IQCH: variants seen among roughly 807,000 people sequenced by gnomAD.
IQCH encodes IQ motif containing H.
A neutral mutation model predicts 117.0 loss-of-function variants in IQCH; 98 were observed. The ratio of observed to expected loss-of-function variants is 0.84; its 90% CI spans 0.71 to 0.99. The LOEUF is 0.99. Among genes scored for constraint, IQCH ranks in the 50% least tolerant of loss-of-function variants. The pLI is 0.00. For synonymous variants in IQCH, 412 were observed against 448.2 expected (o/e 0.92, Z 1.02); for missense variants, 1,102 against 1,243.8 (o/e 0.89, Z 1.72).
chr15:67,463,542 C>T lies in IQCH; in HGVS notation c.2506-1585C>T, dbSNP rs1033569158. Among the ~76,000 whole-genome samples the T allele has an allele frequency of 4.6e-5, 7 of 152,172 alleles. No individual in the cohort carries two copies. Among genetic ancestry groups the T allele is most frequent in the African/African-American group, 1.7e-4 (7 of 41,434 alleles). On this transcript the variant is annotated intron_variant, in intron 16 of 20. Coordinates refer to ENST00000335894, the MANE Select transcript of IQCH (RefSeq NM_001031715.3). The surrounding 1 kb of genome is among the most constrained non-coding windows in gnomAD (Gnocchi z 4.0). ...TGGATTTGGGTACCTCCCTGAACCT[C>T]AGTTTCTTCATCTGTGACATGGGGT...
In IQCH at chr15:67,496,278, G is replaced by A. The variant is rs115306689; in HGVS notation, c.2970+1912G>A. ...GCTGCAGTGAGTCTGGGTGATGGGA[G>A]TAAGAATAAAAAAAAGGAAGATAAT... On this transcript the variant is annotated intron_variant, in intron 20 of 20. Transcript: ENST00000335894. This position sits in a 1 kb window ranked among gnomAD's most constrained non-coding sequence, Gnocchi z 4.4. Among the ~76,000 whole-genome samples the A allele has an allele frequency of 3.4e-3, 518 of 152,096 alleles. 8 individuals are homozygous for A. The highest frequency in any genetic ancestry group is 0.012 in the African/African-American group (497 of 41,504).
Position 67,466,994 on chromosome 15 carries a change from C to T in IQCH, c.2676+1697C>T, listed in dbSNP as rs368635298. The T allele has an allele frequency of 6.3e-4, 96 of 152,730 alleles. 6 individuals carry two copies. The highest frequency in any genetic ancestry group is 6.0e-3 in the East Asian group (31 of 5,192). 9.5% of individuals were successfully genotyped at this position (152,730 alleles called of 1,614,324 possible). A position where few individuals can be genotyped will look rare whatever the true frequency, so the allele number is the denominator to read the frequency against. On this transcript the variant is annotated intron_variant, in intron 17 of 20. Transcript: ENST00000335894. The surrounding 1 kb of genome is among the most constrained non-coding windows in gnomAD (Gnocchi z 4.4). ...ATCCCAGCACTTTGGGAGGCCGAGG[C>T]GGGCAGATCATTTGAGCCTAGGAGT... is the stretch of plus-strand genomic sequence containing the variant.
chr15:67,320,956 G>T (rs1968089317), intron 4 of IQCH, among the ~76,000 whole-genome samples: 1 of 152,182 alleles, frequency 6.6e-6, no homozygotes, highest in Non-Finnish European at 1.5e-5. Flanking sequence ...TAAGAAGGGG[G>T]AATGCAGTTA....
At chr15:67,487,524 C>T (rs898265061) in intron 18 of IQCH, among the ~76,000 whole-genome samples, 7 of 151,780 alleles carry the variant, frequency 4.6e-5, no homozygotes, top group African/African-American at 1.7e-4. Flanking sequence ...GCAAAAAATT[C>T]ATTAGGAATA....
intron 6 of IQCH, among the ~76,000 whole-genome samples, chr15:67,348,453 A>C (rs1969508194): frequency 6.6e-6 from 1 of 152,202 alleles, no homozygotes; most frequent in African/African-American, 2.4e-5. Context: ...ACATACAAAA[A>C]TAAATTGAAT....
At chr15:67,423,587 CAAAA>C (rs551556730) in intron 16 of IQCH, among the ~76,000 whole-genome samples, 6 of 76,780 alleles carry the variant, frequency 7.8e-5, no homozygotes, top group East Asian at 3.3e-4. Context: ...GAACCTGTCT[CAAAA>C]AAAAAAAAAA....
intron 4 of IQCH, among the ~76,000 whole-genome samples, chr15:67,313,057 A>G (rs192874638): frequency 1.3e-4 from 20 of 152,320 alleles, no homozygotes; most frequent in Admixed American, 9.8e-4. Flanking sequence ...CCCAGAAGAT[A>G]CTTACTTAGA....
chr15:67,498,280 A>G (rs2083880721), intron 20 of IQCH, among the ~76,000 whole-genome samples: 1 of 152,166 alleles, frequency 6.6e-6, no homozygotes, highest in Non-Finnish European at 1.5e-5. Context: ...TGGCACATGC[A>G]AATATTAAGT....
At chr15:67,265,007 A>G (rs1567048015) in intron 3 of IQCH, among the ~76,000 whole-genome samples, 1 of 152,178 alleles carries the variant, frequency 6.6e-6, no homozygotes, top group Non-Finnish European at 1.5e-5. Flanking sequence ...TCAAGCATAC[A>G]AGCAGCAAGT....
rs1295073762 is a variant in IQCH at position 67,283,244 on chromosome 15, G to A, written c.387+3732G>A. ...TCTACCAAACTACCCAATCCCATGA[G>A]GCAACCAGTGTTAACAGCGGGTTGT... On this transcript the variant is annotated intron_variant, in intron 4 of 20. Transcript: ENST00000335894. 3.3e-5 allele frequency among the ~76,000 whole-genome samples: 5 copies of A among 152,286 alleles called. No homozygotes were observed. In the South Asian group the frequency reaches 1.0e-3, roughly 32 times the overall value.
Position 67,395,587 on chromosome 15 carries a change from C to T in IQCH, c.1905+24C>T. 1 of 1,605,432 alleles carries T rather than the reference C, an allele frequency of 6.2e-7. No homozygotes were observed. Among genetic ancestry groups the T allele is most frequent in the Non-Finnish European group, 8.5e-7 (1 of 1,174,126 alleles). ...AGGTATGTGGGGTGGACAAGTGAAG[C>T]TCTGTTCAAATATTTGAAACATCCT... is the stretch of plus-strand genomic sequence containing the variant. On this transcript the variant is annotated intron_variant, in intron 13 of 20. Transcript: ENST00000335894. The surrounding 1 kb of genome is among the most constrained non-coding windows in gnomAD (Gnocchi z 4.0).
In IQCH at chr15:67,383,061, C is replaced by T. The variant is rs948816976; in HGVS notation, c.1373-1875C>T. On this transcript the variant is annotated intron_variant, in intron 10 of 20. Transcript: ENST00000335894. ...GCTCTGCTGATGTCATTGTACATTG[C>T]GTTGTATCTTGTCCATGTAGAATGG... is the stretch of plus-strand genomic sequence containing the variant. Among the ~76,000 whole-genome samples the T allele has an allele frequency of 6.6e-5, 10 of 152,026 alleles. No individual in the cohort carries two copies. In the East Asian group the frequency reaches 7.7e-4, roughly 12 times the overall value.
chr15:67,372,908 GAA>G (rs904472319), intron 9 of IQCH, among the ~76,000 whole-genome samples: 1 of 139,438 alleles, frequency 7.2e-6, no homozygotes. Flanking sequence ...TTTTTCTATA[GAA>G]AAAAAAAAAG....
chr15:67,314,251 G>A (rs1967737963), intron 4 of IQCH, among the ~76,000 whole-genome samples: 2 of 151,986 alleles, frequency 1.3e-5, no homozygotes, highest in African/African-American at 4.8e-5. Context: ...TAGAGAGTAG[G>A]AATGGTTGAT....
intron 12 of IQCH, among the ~76,000 whole-genome samples, chr15:67,389,826 G>A (rs1191058284): frequency 6.9e-6 from 1 of 145,018 alleles, no homozygotes; most frequent in African/African-American, 2.6e-5. Context: ...GAACATCTAT[G>A]TGTTGGGTGA....
At chr15:67,362,571 T>A (rs1244546873) in intron 8 of IQCH, among the ~76,000 whole-genome samples, 1 of 152,216 alleles carries the variant, frequency 6.6e-6, no homozygotes, top group East Asian at 1.9e-4. Flanking sequence ...ATGTGTGACA[T>A]TAAACATATC....
chr15:67,287,888 C>A (rs1966621064), intron 4 of IQCH, among the ~76,000 whole-genome samples: 1 of 151,918 alleles, frequency 6.6e-6, no homozygotes, highest in Admixed American at 6.6e-5. Context: ...TAGCTATAAA[C>A]TTCCCTCTTA....
rs1342144297 is a variant in IQCH at position 67,261,402 on chromosome 15, G to A, written c.174+8G>A. ...ACTGAAGTGGGGTTAAGAGTAAGTA[G>A]AGCTTTAGATATTAAAATACTGGAA... On this transcript the variant is annotated splice_region_variant and intron_variant, in intron 2 of 20. Transcript: ENST00000335894. 1 of 1,580,656 alleles carries A rather than the reference G, an allele frequency of 6.3e-7. No homozygotes were observed. The highest frequency in any genetic ancestry group is 1.4e-5 in the African/African-American group (1 of 72,588).
chr15:67,487,106 G>A (rs923898543), intron 18 of IQCH, among the ~76,000 whole-genome samples: 1 of 152,260 alleles, frequency 6.6e-6, no homozygotes, highest in African/African-American at 2.4e-5. Flanking sequence ...GCCAAGGCGG[G>A]TGGATCACCT....
Sources: gnomAD v4.1 joint callset for allele counts (sites outside exome capture counted in the v4.1 genomes callset) on GRCh38, gnomAD v4.1.1 for gene constraint, Gnocchi (gnomAD v3.1) non-coding constraint, MANE v1.5 for transcripts, NCBI Gene and HGNC (gene_info 2026-07-23, HGNC 2026-07-21) for gene names.